The following SMC6 variants were observed in gnomAD, a reference collection of about 807,000 sequenced individuals.
SMC6 encodes the protein structural maintenance of chromosomes protein 6.
Under a neutral mutation model 142.2 loss-of-function variants are expected in SMC6, and 79 were observed. The observed-to-expected ratio is 0.56, with a 90% CI of 0.46 to 0.67. The LOEUF is 0.67. SMC6 is among the 30% of genes least tolerant of loss of function. The pLI is 0.00. For synonymous variants in SMC6, 411 were observed against 412.4 expected, an observed-to-expected ratio of 1.00 and a Z score of 0.04; for missense variants, 1,072 against 1,284.0, an observed-to-expected ratio of 0.83 and a Z score of 2.52.
Position 17,716,693 on chromosome 2 carries a change from G to A in SMC6, c.1346+48C>T, listed in dbSNP as rs200844863. ...TCTTCATACAAGAACAAAACTATAT[G>A]ATGTAAAAGTAATTGAAAAAAATCA... On this transcript the variant is annotated intron_variant, in intron 14 of 27. Transcript: ENST00000448223. The A allele has an allele frequency of 1.9e-5, 30 of 1,549,384 alleles. No individual in the cohort carries two copies. In the East Asian group the frequency reaches 5.6e-4, roughly 29 times the overall value.
chr2:17,705,493 C>A (rs148897235), intron 18 of SMC6, among the ~76,000 whole-genome samples: 1 of 149,008 alleles, frequency 6.7e-6, no homozygotes, highest in Admixed American at 6.7e-5. Flanking sequence ...ACTTGAACAC[C>A]GGAGGCAGAG....
At chr2:17,730,769 A>ATT (rs753341570) in intron 7 of SMC6, among the ~76,000 whole-genome samples, 2,373 of 139,160 alleles carry the variant, frequency 0.017, 45 homozygotes, top group African/African-American at 0.045. Flanking sequence ...CACCCAGCTA[A>ATT]TTTTTTTTTT....
chr2:17,677,083 C>G (rs1321069070), intron 25 of SMC6, among the ~76,000 whole-genome samples: 2 of 152,140 alleles, frequency 1.3e-5, no homozygotes, highest in Non-Finnish European at 2.9e-5. Context: ...AGTTCTACTT[C>G]TGAATATAAA....
chr2:17,710,981 C>A (rs950120073), intron 16 of SMC6, among the ~76,000 whole-genome samples: 4 of 151,986 alleles, frequency 2.6e-5, no homozygotes, highest in African/African-American at 9.7e-5. Flanking sequence ...GCTCTAGAAA[C>A]GTCAGGCAGT....
chr2:17,705,855 C>T (rs1668484958), intron 18 of SMC6, among the ~76,000 whole-genome samples: 1 of 151,956 alleles, frequency 6.6e-6, no homozygotes, highest in Non-Finnish European at 1.5e-5. Context: ...ATATATTAAG[C>T]CTGAGCTGAG....
In SMC6 at chr2:17,703,171, A is replaced by G. The variant is rs1187932089; in HGVS notation, c.2128T>C (p.Tyr710His). Residue 710 changes from tyrosine (Y) to histidine (H), a missense_variant, in exon 19 of 28, where the codon TAT (tyrosine) becomes CAT (histidine). Tyr to His is a moderately conservative substitution (Grantham distance 83). Around this residue, in one of 3 missense-constraint regions of SMC6, gnomAD observed 994 missense variants for 1,153.2 expected, o/e 0.86. Transcript: ENST00000448223. ...TATTTTTTTACCTTTAGTTCTTTAT[A>G]ATGTAGTTGGCACCTTTTAAGAAGT... ...EELLKRCQLHYKELKMKIRKN... is the reference protein window; with the variant it reads ...EELLKRCQLHHKELKMKIRKN... 1 of 1,450,664 alleles carries G rather than the reference A, an allele frequency of 6.9e-7. No individual in the cohort carries two copies. The highest frequency in any genetic ancestry group is 1.4e-5 in the African/African-American group (1 of 69,400). The allele number at this position is 1,450,664 out of a possible 1,614,324, so 89.9% of individuals were successfully genotyped here.
intron 4 of SMC6, among the ~76,000 whole-genome samples, chr2:17,739,573 A>G (rs979328870): frequency 6.6e-6 from 1 of 152,084 alleles, no homozygotes; most frequent in Non-Finnish European, 1.5e-5. Flanking sequence ...TGAACCTGGG[A>G]GGTAGAGGTT....
chr2:17,739,951 A>G (rs868846133), intron 4 of SMC6, among the ~76,000 whole-genome samples: 1 of 148,006 alleles, frequency 6.8e-6, no homozygotes, highest in Admixed American at 6.9e-5. Flanking sequence ...CATTTTCTGA[A>G]CTCCATTCAA....
chr2:17,726,686 T>G (rs1011550554), intron 7 of SMC6, among the ~76,000 whole-genome samples: 8 of 152,200 alleles, frequency 5.3e-5, no homozygotes, highest in African/African-American at 2.4e-5. Flanking sequence ...ATATATGGTA[T>G]AGTTAACATT....
At chr2:17,689,356 G>C (rs761347947) in intron 23 of SMC6, among the ~76,000 whole-genome samples, 1 of 152,172 alleles carries the variant, frequency 6.6e-6, no homozygotes, top group African/African-American at 2.4e-5. Context: ...TAGGAAAGAC[G>C]TGGAGAACCG....
At chr2:17,739,833 CACACACACACAG>C (rs1316894130) in intron 4 of SMC6, among the ~76,000 whole-genome samples, 3 of 117,958 alleles carry the variant, frequency 2.5e-5, no homozygotes, top group East Asian at 2.1e-4. Flanking sequence ...CACACACACA[CACACACACACAG>C]ACACACACAC....
intron 26 of SMC6, among the ~76,000 whole-genome samples, 183 bp downstream of exon 26, chr2:17,670,240 T>C (rs1173971964): frequency 6.6e-6 from 1 of 152,172 alleles, no homozygotes; most frequent in African/African-American, 2.4e-5. Context: ...GGTTACTGTG[T>C]GCCTAGAAGC....
intron 26 of SMC6, among the ~76,000 whole-genome samples, chr2:17,668,822 C>T (rs553206144): frequency 3.4e-4 from 51 of 152,140 alleles, no homozygotes; most frequent in African/African-American, 1.2e-3. Context: ...CAGGCAGGTA[C>T]GATATCATGA....
intron 19 of SMC6, among the ~76,000 whole-genome samples, chr2:17,702,469 A>T (rs1434147145): frequency 6.6e-6 from 1 of 152,222 alleles, no homozygotes; most frequent in African/African-American, 2.4e-5. Context: ...TGGACATCAG[A>T]TACTTAAAAA....
chr2:17,684,307 G>A (rs115319569), intron 23 of SMC6, among the ~76,000 whole-genome samples: 26 of 152,242 alleles, frequency 1.7e-4, no homozygotes, highest in African/African-American at 5.5e-4. Flanking sequence ...AACCCTGGTC[G>A]AGGCTCCCAC....
chr2:17,749,335 TC>T (rs1670904491), intron 2 of SMC6, among the ~76,000 whole-genome samples: 1 of 152,004 alleles, frequency 6.6e-6, no homozygotes, highest in African/African-American at 2.4e-5. Context: ...ACACCTCATT[TC>T]TCCCTTACAG....
intron 17 of SMC6, 90 bp downstream of exon 17, chr2:17,708,549 G>T: frequency 1.8e-6 from 1 of 563,026 alleles, no homozygotes; most frequent in South Asian, 6.4e-5. Flanking sequence ...GCAACTCTAT[G>T]ATAAAAGGGG....
chr2:17,687,277 C>T (rs924247213), intron 23 of SMC6, among the ~76,000 whole-genome samples: 4 of 152,132 alleles, frequency 2.6e-5, no homozygotes, highest in Non-Finnish European at 4.4e-5. Flanking sequence ...TACATGTGTG[C>T]GTGCATGTGC....
intron 23 of SMC6, among the ~76,000 whole-genome samples, chr2:17,691,779 G>A (rs917877396): frequency 3.3e-5 from 5 of 152,070 alleles, no homozygotes; most frequent in African/African-American, 4.8e-5. Context: ...CAAATTGTCC[G>A]TTTGCAGATG....
Sources: allele counts gnomAD v4.1 joint callset (sites outside exome capture counted in the v4.1 genomes callset), GRCh38; gene constraint gnomAD v4.1.1; regional missense constraint gnomAD v4.1.1; transcripts MANE v1.5; gene names NCBI Gene and HGNC (gene_info 2026-07-23, HGNC 2026-07-21).